Variants in NEB observed in about 807,000 individuals in gnomAD.
NEB encodes nebulin.
A neutral mutation model predicts 952.2 loss-of-function variants in NEB; 512 were observed. The ratio of observed to expected loss-of-function variants is 0.54; its 90% CI spans 0.50 to 0.58. The LOEUF is 0.58. Ranked by LOEUF, NEB falls within the 20% of genes least tolerant of loss-of-function variation. NEB has a pLI of 0.00. For synonymous variants in NEB, 2,900 were observed against 3,149.8 expected, an observed-to-expected ratio of 0.92 and a Z score of 2.66; for missense variants, 8,428 against 9,231.1, an observed-to-expected ratio of 0.91 and a Z score of 3.56.
intron 46 of NEB, 66 bp from the exon 47 acceptor site, chr2:151,659,235 TC>T: frequency 1.1e-6 from 1 of 872,836 alleles, no homozygotes; most frequent in Non-Finnish European, 1.9e-6. Context: ...TACATACATA[TC>T]ATTGTACATA....
chr2:151,646,373 A>T lies in NEB; in HGVS notation c.7432-139T>A, dbSNP rs191596517. The T allele has an allele frequency of 3.9e-4, 262 of 671,678 alleles. No homozygotes were observed. The African/African-American group carries it at 4.3e-3, about 11-fold the overall frequency. 41.6% of individuals were successfully genotyped at this position (671,678 alleles called of 1,614,324 possible). On this transcript the variant is annotated intron_variant, in intron 54 of 181. Transcript: ENST00000397345. ...TAATAAGCAGACAACATAAGCAGAAAATAGATGCAATATTTCTTGACTTAT... is the reference window on the plus strand; with the variant it reads ...TAATAAGCAGACAACATAAGCAGAATATAGATGCAATATTTCTTGACTTAT...
chr2:151,724,341 T>C lies in NEB; in HGVS notation c.531A>G (p.Glu177=), dbSNP rs2099784144. 3 of 1,612,124 alleles carry C rather than the reference T, an allele frequency of 1.9e-6. No homozygotes were observed. In the African/African-American group the frequency reaches 4.0e-5, roughly 21 times the overall value. The change falls in exon 8 of 182, where the codon GAA becomes GAG. Residue 177 remains glutamate, a synonymous_variant. Transcript: ENST00000397345. ...VSKVLYKQNW[E]DTKDKYLLPP... The stretch of plus-strand genomic sequence containing the variant: ...GAAGCAGGTACTTATCCTTGGTGTC[T>C]TCCCAGTTCTGCTTGTATAAAACCT...
intron 75 of NEB, among the ~76,000 whole-genome samples, chr2:151,617,049 C>A (rs2098223968): frequency 6.6e-6 from 1 of 152,208 alleles, no homozygotes; most frequent in South Asian, 2.1e-4. Flanking sequence ...CCAGTCCTTG[C>A]CTACTTGCTA....
chr2:151,659,518 T>C (rs1413636637), intron 46 of NEB, among the ~76,000 whole-genome samples: 1 of 151,966 alleles, frequency 6.6e-6, no homozygotes, highest in Non-Finnish European at 1.5e-5. Flanking sequence ...CCAGGCTGGT[T>C]TCAAACTCCT....
chr2:151,653,796 C>G (rs1305056071), intron 52 of NEB, among the ~76,000 whole-genome samples, 196 bp downstream of exon 52: 1 of 152,044 alleles, frequency 6.6e-6, no homozygotes, highest in African/African-American at 2.4e-5. Flanking sequence ...TCTGGCCCGA[C>G]CTCTATTCAG....
intron 38 of NEB, among the ~76,000 whole-genome samples, chr2:151,669,558 G>A (rs896616881): frequency 3.9e-5 from 6 of 152,192 alleles, no homozygotes; most frequent in Admixed American, 3.9e-4. Flanking sequence ...GAGAGGGGCA[G>A]AGGAAGAGCA....
At chr2:151,552,357 T>C (rs879288012) in intron 128 of NEB, among the ~76,000 whole-genome samples, 1 of 152,172 alleles carries the variant, frequency 6.6e-6, no homozygotes, top group Non-Finnish European at 1.5e-5. Context: ...CCATAGCTGG[T>C]TCTAATTTAT....
intron 71 of NEB, among the ~76,000 whole-genome samples, chr2:151,622,364 T>C (rs1171273967): frequency 6.6e-6 from 1 of 152,216 alleles, no homozygotes; most frequent in Non-Finnish European, 1.5e-5. Context: ...ACTATTTCTT[T>C]TTCTTTATTT....
At chr2:151,654,263 A>G (rs1206593363) in intron 51 of NEB, among the ~76,000 whole-genome samples, 164 bp from the exon 52 acceptor site, 1 of 152,180 alleles carries the variant, frequency 6.6e-6, no homozygotes, top group African/African-American at 2.4e-5. Context: ...AGGAGGGGAA[A>G]AAGCACTGAC....
intron 70 of NEB, among the ~76,000 whole-genome samples, chr2:151,626,037 T>C (rs186469843): frequency 1.7e-3 from 257 of 152,332 alleles, no homozygotes; most frequent in African/African-American, 5.9e-3. Context: ...TTGTTGTTAG[T>C]TTATTAGCTG....
At chr2:151,609,391 C>G (rs1358128053) in intron 81 of NEB, among the ~76,000 whole-genome samples, 4 of 151,878 alleles carry the variant, frequency 2.6e-5, no homozygotes, top group Non-Finnish European at 2.9e-5. Flanking sequence ...ATTATTTATA[C>G]TAGCCATGAA....
chr2:151,644,645 G>A, intron 55 of NEB, 70 bp from the exon 56 acceptor site: 2 of 1,283,286 alleles, frequency 1.6e-6, no homozygotes, highest in East Asian at 2.3e-5. Context: ...ATGATCAAAT[G>A]TGCTAAATAT....
intron 13 of NEB, among the ~76,000 whole-genome samples, chr2:151,706,425 C>T (rs113294149): frequency 1.3e-5 from 2 of 152,106 alleles, no homozygotes; most frequent in African/African-American, 2.4e-5. Flanking sequence ...ACGGCTTAGT[C>T]GGGCTCTTAA....
At chr2:151,687,786 T>TA (rs1160911834) in intron 25 of NEB, 53 bp from the exon 26 acceptor site, 17 of 1,467,368 alleles carry the variant, frequency 1.2e-5, no homozygotes, top group Middle Eastern at 1.7e-4. Flanking sequence ...TGTAATCCAG[T>TA]AAAAAAATAA....
intron 27 of NEB, 139 bp from the exon 28 acceptor site, chr2:151,685,114 CAT>C: frequency 1.2e-6 from 1 of 840,754 alleles, no homozygotes; most frequent in Non-Finnish European, 1.8e-6. Flanking sequence ...AAAATGTGTT[CAT>C]ATGTTACATA....
At position 151,677,862 on chromosome 2, in the gene NEB, T is replaced by G. The variant is rs1576000214; in HGVS notation, c.3567+14A>C. The G allele has an allele frequency of 6.2e-7, 1 of 1,606,310 alleles. No homozygotes were observed. The highest frequency in any genetic ancestry group is 1.7e-4 in the Middle Eastern group (1 of 6,024). ...CTTAATAGGGGGGTTTCTTGAGAAG[T>G]AAATGACACTTACATCACTCTGTAT... is the stretch of plus-strand genomic sequence containing the variant. On this transcript the variant is annotated intron_variant, in intron 33 of 181. Coordinates refer to ENST00000397345, the MANE Select transcript of NEB (RefSeq NM_001164508.2).
Position 151,616,354 on chromosome 2 carries a change from T to C in NEB, c.11182-245A>G, listed in dbSNP as rs116847832. On this transcript the variant is annotated intron_variant, in intron 75 of 181. Transcript: ENST00000397345. ...TGTGGGGAAAAAATCAACATTTGGTTGGCAAAATTTTATTTGCCAAACAAG... is the reference window on the plus strand; with the variant it reads ...TGTGGGGAAAAAATCAACATTTGGTCGGCAAAATTTTATTTGCCAAACAAG... Among the ~76,000 whole-genome samples, 898 of 152,120 alleles carry C rather than the reference T, an allele frequency of 5.9e-3. 10 individuals carry two copies. The highest frequency in any genetic ancestry group is 0.054 in the East Asian group (281 of 5,166).
At chr2:151,498,101 A>G in intron 170 of NEB, 159 bp downstream of exon 170, 1 of 1,480,188 alleles carries the variant, frequency 6.8e-7, no homozygotes, top group Non-Finnish European at 9.0e-7. Context: ...AAAAATTGAC[A>G]TTAACTGTAT....
Position 151,497,042 on chromosome 2 carries a change from TAAG to T in NEB, c.24301-12_24301-10del. 1.3e-6 allele frequency: 2 copies of T among 1,561,604 alleles called. No homozygotes were observed. Among genetic ancestry groups the T allele is most frequent in the South Asian group, 1.2e-5 (1 of 84,740 alleles). ...TTTTCTTTGTATAACACCTGTGCGA[TAAG>T]AAAGCAACCAGAAAAACAACCATGA... On this transcript the variant is annotated splice_polypyrimidine_tract_variant and intron_variant, in intron 171 of 181. Coordinates refer to ENST00000397345, the MANE Select transcript of NEB (RefSeq NM_001164508.2).
Sources: gnomAD v4.1 joint callset for allele counts (sites outside exome capture counted in the v4.1 genomes callset) on GRCh38, gnomAD v4.1.1 for gene constraint, MANE v1.5 for transcripts, NCBI Gene and HGNC (gene_info 2026-07-23, HGNC 2026-07-21) for gene names.